The following ZNF407 variants were observed in gnomAD, a reference collection of about 807,000 sequenced individuals.
The protein encoded by ZNF407 is zinc finger protein 407.
ZNF407 carries 17 observed loss-of-function variants against 131.2 expected under a neutral mutation model. The ratio of observed to expected loss-of-function variants is 0.13; its 90% CI spans 0.09 to 0.19. The LOEUF is 0.19. ZNF407 is among the 10% of genes least tolerant of loss of function. The probability of loss-of-function intolerance (pLI) is 1.00; values close to 1 mark genes in which losing one functional copy is unlikely to be tolerated. For synonymous variants in ZNF407, 1,156 were observed against 1,062.0 expected, an observed-to-expected ratio of 1.09 and a Z score of -1.72; for missense variants, 2,681 against 2,830.6, an observed-to-expected ratio of 0.95 and a Z score of 1.20.
chr18:74,674,271 C>T (rs1476246228), intron 3 of ZNF407, among the ~76,000 whole-genome samples: 7 of 152,104 alleles, frequency 4.6e-5, no homozygotes, highest in Admixed American at 6.5e-5. Context: ...TGTGGTGGCT[C>T]GTGAGAACCA....
intron 3 of ZNF407, among the ~76,000 whole-genome samples, chr18:74,667,970 CAG>C (rs1985996696): frequency 1.3e-5 from 2 of 152,190 alleles, no homozygotes. Context: ...TTCACTGAAG[CAG>C]AGTTTAGGAG....
rs1443506336 is a variant in ZNF407 at position 75,025,532 on chromosome 18, G to T, written c.5429-37618G>T. Among the ~76,000 whole-genome samples the T allele has an allele frequency of 2.0e-5, 3 of 152,190 alleles. No individual in the cohort carries two copies. In the East Asian group the frequency reaches 5.8e-4, roughly 29 times the overall value. On this transcript the variant is annotated intron_variant, in intron 8 of 8. Coordinates refer to ENST00000299687, the MANE Select transcript of ZNF407 (RefSeq NM_017757.3). ...TTTTGGAGGAGCAGGTCTGTGCAAT[G>T]TGTACAACATTTCACTTCACACTCT... is the stretch of plus-strand genomic sequence containing the variant.
At chr18:74,845,219 G>T (rs772667212) in intron 4 of ZNF407, among the ~76,000 whole-genome samples, 1 of 152,218 alleles carries the variant, frequency 6.6e-6, no homozygotes, top group Non-Finnish European at 1.5e-5. Flanking sequence ...ACTGTGATAT[G>T]TTGGTGATGC....
intron 7 of ZNF407, among the ~76,000 whole-genome samples, chr18:74,915,321 A>AGTGTGTGTGT (rs5826357): frequency 4.5e-5 from 6 of 133,096 alleles, no homozygotes; most frequent in African/African-American, 1.7e-4. Context: ...TCGAATCGGG[A>AGTGTGTGTGT]GTGTGTGTGT....
intron 4 of ZNF407, among the ~76,000 whole-genome samples, chr18:74,825,229 A>G (rs1000727500): frequency 6.6e-6 from 1 of 152,186 alleles, no homozygotes; most frequent in Non-Finnish European, 1.5e-5. Flanking sequence ...ACCAACAGCC[A>G]TTATCATGCT....
At position 74,632,568 on chromosome 18, in the gene ZNF407, A is replaced by T. The variant is rs1984173203; in HGVS notation, c.1549A>T (p.Thr517Ser). 1.2e-6 allele frequency: 2 copies of T among 1,614,054 alleles called. No individual in the cohort carries two copies. The change falls in exon 2 of 9, where the codon ACA (threonine) becomes TCA (serine). Residue 517 changes from threonine to serine, a missense_variant. Physicochemically the swap from Thr to Ser is moderately conservative, Grantham distance 58. This residue lies in a region of ZNF407 where 1,789 missense variants were observed against 1,748.7 expected (regional missense o/e 1.02). Transcript: ENST00000299687. ...TCCGGACTCCGGGCTGCATTCCCTGACAGTGAAGCCAGCTTCTGGCTCTCA... is the reference window on the plus strand; with the variant it reads ...TCCGGACTCCGGGCTGCATTCCCTGTCAGTGAAGCCAGCTTCTGGCTCTCA... ...RPPDSGLHSL[T>S]VKPASGSQTL...
At chr18:74,748,464 C>T (rs1317885289) in intron 3 of ZNF407, among the ~76,000 whole-genome samples, 1 of 152,024 alleles carries the variant, frequency 6.6e-6, no homozygotes, top group African/African-American at 2.4e-5. Flanking sequence ...GCTGACATAT[C>T]ATTGCTGCAC....
intron 3 of ZNF407, among the ~76,000 whole-genome samples, chr18:74,723,783 A>G (rs913017425): frequency 6.6e-6 from 1 of 152,128 alleles, no homozygotes; most frequent in African/African-American, 2.4e-5. Flanking sequence ...TAAAGCCATC[A>G]AATAAAAGTG....
rs979644464 is a variant in ZNF407, at chr18:74,759,584, A to G, written c.4803-21844A>G. 8.6e-5 allele frequency among the ~76,000 whole-genome samples: 13 copies of G among 151,954 alleles called. 1 individual carries two copies. The highest frequency in any genetic ancestry group is 2.9e-4 in the African/African-American group (12 of 41,386). ...TTCATTTTGTTTCTCAGACTGGATC[A>G]GAAAGACCTTGCTGTATTTTCTGTG... On this transcript the variant is annotated intron_variant, in intron 3 of 8. Transcript: ENST00000299687.
chr18:74,672,418 CTGTT>C (rs1357125383), intron 3 of ZNF407, among the ~76,000 whole-genome samples: 2 of 145,000 alleles, frequency 1.4e-5, no homozygotes, highest in African/African-American at 2.5e-5. Flanking sequence ...TGTTGGAGCA[CTGTT>C]TGTCCGTTGG....
Position 75,063,862 on chromosome 18 carries a change from G to A in ZNF407, c.6141G>A (p.Gln2047=), listed in dbSNP as rs1973673998. 3 of 1,611,334 alleles carry A rather than the reference G, an allele frequency of 1.9e-6. No homozygotes were observed. Among genetic ancestry groups the A allele is most frequent in the Non-Finnish European group, 2.5e-6 (3 of 1,179,410 alleles). Residue 2047 remains glutamine, a synonymous_variant, in exon 9 of 9, where the codon CAG becomes CAA. Coordinates refer to ENST00000299687, the MANE Select transcript of ZNF407 (RefSeq NM_017757.3). This position sits in a 1 kb window ranked among gnomAD's most constrained non-coding sequence, Gnocchi z 6.6. Reference sequence around the variant, plus strand: ...AGATCCAGATGTTCCCACAGGCCCAGGAGAGCCCGGCCGCCGTGGAGGTGC... The same window carrying A: ...AGATCCAGATGTTCCCACAGGCCCAAGAGAGCCCGGCCGCCGTGGAGGTGC... ...APEIQMFPQA[Q]ESPAAVEVLT...
At chr18:74,693,648 C>A (rs1967282833) in intron 3 of ZNF407, among the ~76,000 whole-genome samples, 1 of 152,082 alleles carries the variant, frequency 6.6e-6, no homozygotes, top group African/African-American at 2.4e-5. Flanking sequence ...ACTAAGATTT[C>A]TCCTTTTTAG....
At chr18:75,044,716 G>A (rs1973412627) in intron 8 of ZNF407, among the ~76,000 whole-genome samples, 1 of 152,160 alleles carries the variant, frequency 6.6e-6, no homozygotes, top group Non-Finnish European at 1.5e-5. Context: ...TTTATTGTAA[G>A]TATATTAATA....
chr18:74,681,522 C>T (rs1215552397), intron 3 of ZNF407, among the ~76,000 whole-genome samples: 1 of 152,116 alleles, frequency 6.6e-6, no homozygotes, highest in African/African-American at 2.4e-5. Context: ...GGATTACAGG[C>T]TTGAGCCATC....
intron 8 of ZNF407, among the ~76,000 whole-genome samples, chr18:74,967,564 C>T (rs1401633509): frequency 6.6e-6 from 1 of 152,074 alleles, no homozygotes; most frequent in Non-Finnish European, 1.5e-5. Context: ...TTTTCTGATT[C>T]CAGAGAACAT....
At chr18:75,028,872 G>A (rs1405832315) in intron 8 of ZNF407, among the ~76,000 whole-genome samples, 2 of 152,220 alleles carry the variant, frequency 1.3e-5, no homozygotes, top group Non-Finnish European at 2.9e-5. Flanking sequence ...CTCTGCATCT[G>A]CGAACATGGA....
At chr18:74,819,147 T>C (rs1157010285) in intron 4 of ZNF407, among the ~76,000 whole-genome samples, 1 of 152,118 alleles carries the variant, frequency 6.6e-6, no homozygotes, top group Non-Finnish European at 1.5e-5. Context: ...ATTGAAACTG[T>C]AGGGAGTTTA....
chr18:74,874,762 A>G (rs1456564365), intron 4 of ZNF407, among the ~76,000 whole-genome samples: 1 of 151,706 alleles, frequency 6.6e-6, no homozygotes, highest in Non-Finnish European at 1.5e-5. Flanking sequence ...TCTGGCATTA[A>G]GTTTATTTTT....
chr18:75,030,884 C>G (rs1568306196), intron 8 of ZNF407, among the ~76,000 whole-genome samples: 1 of 152,188 alleles, frequency 6.6e-6, no homozygotes, highest in Non-Finnish European at 1.5e-5. Context: ...TGACAACTCA[C>G]CCACTGGAGT....
Sources: gnomAD v4.1 joint callset for allele counts (sites outside exome capture counted in the v4.1 genomes callset) on GRCh38, gnomAD v4.1.1 for gene constraint, gnomAD v4.1.1 regional missense constraint, Gnocchi (gnomAD v3.1) non-coding constraint, MANE v1.5 for transcripts, NCBI Gene and HGNC (gene_info 2026-07-23, HGNC 2026-07-21) for gene names.